Variants in CHD6 observed in about 807,000 individuals in gnomAD.
CHD6 encodes the protein chromodomain helicase DNA binding protein 6.
CHD6 carries 50 observed loss-of-function variants against 276.9 expected under a neutral mutation model. The observed-to-expected ratio is 0.18, with a 90% CI of 0.14 to 0.23. CHD6 has a LOEUF of 0.23. Among genes scored for constraint, CHD6 ranks in the 10% least tolerant of loss-of-function variants. CHD6 has a pLI of 1.00. For synonymous variants in CHD6, 1,173 were observed against 1,229.3 expected (o/e 0.95, Z 0.96); for missense variants, 2,564 against 3,365.8 (o/e 0.76, Z 5.89).
chr20:41,593,373 C>T (rs1327404963), intron 1 of CHD6, among the ~76,000 whole-genome samples: 1 of 152,142 alleles, frequency 6.6e-6, no homozygotes, highest in African/African-American at 2.4e-5. Context: ...TGAGAACACA[C>T]AAGGAGTTAA....
In CHD6 at chr20:41,402,289, TAC is replaced by T; in HGVS notation, c.*2302_*2303del. The T allele has an allele frequency of 4.4e-6, 1 of 224,946 alleles. No homozygotes were observed. Among genetic ancestry groups the T allele is most frequent in the East Asian group, 6.4e-5 (1 of 15,540 alleles). The allele number at this position is 224,946 out of a possible 1,614,324, so 13.9% of individuals were successfully genotyped here. On this transcript the variant is annotated 3_prime_UTR_variant, in exon 37 of 37. Transcript: ENST00000373233. The stretch of plus-strand genomic sequence containing the variant: ...ATAATCATAAGAAGCACTTGTGCCT[TAC>T]AGAGCAAATAATCCACAGAGTGTCA...
intron 2 of CHD6, among the ~76,000 whole-genome samples, chr20:41,550,356 A>G (rs2045125988): frequency 6.6e-6 from 1 of 152,182 alleles, no homozygotes; most frequent in South Asian, 2.1e-4. Flanking sequence ...ACAGATATAA[A>G]TCCAGTTTGT....
chr20:41,596,750 A>ATGTAGGCTT, intron 1 of CHD6, among the ~76,000 whole-genome samples: 1 of 152,316 alleles, frequency 6.6e-6, no homozygotes, highest in East Asian at 1.9e-4. Context: ...ATGAGAAAAT[A>ATGTAGGCTT]TGTAGGCTTA....
intron 8 of CHD6, among the ~76,000 whole-genome samples, chr20:41,495,714 A>G (rs1296958916): frequency 6.6e-6 from 1 of 152,262 alleles, no homozygotes; most frequent in Admixed American, 6.5e-5. Flanking sequence ...CAATGTAAAC[A>G]TACGTTAAAA....
intron 3 of CHD6, among the ~76,000 whole-genome samples, chr20:41,523,258 C>T (rs745869894): frequency 1.3e-5 from 2 of 152,196 alleles, no homozygotes; most frequent in Admixed American, 1.3e-4. Flanking sequence ...AATACAAAGG[C>T]CTAATACTCC....
intron 17 of CHD6, among the ~76,000 whole-genome samples, chr20:41,461,490 C>T (rs2145719171): frequency 6.6e-6 from 1 of 152,280 alleles, no homozygotes; most frequent in African/African-American, 2.4e-5. Context: ...TAATGAGTCT[C>T]ATGAGATCTG....
At chr20:41,464,309 A>G (rs2042870107) in intron 17 of CHD6, among the ~76,000 whole-genome samples, 1 of 152,212 alleles carries the variant, frequency 6.6e-6, no homozygotes. Flanking sequence ...GAAGAAAATA[A>G]CTAAACTAAG....
Position 41,405,409 on chromosome 20 carries a change from C to T in CHD6, c.7332G>A (p.Arg2444=). 1 of 1,613,142 alleles carries T rather than the reference C, an allele frequency of 6.2e-7. No individual in the cohort carries two copies. Among genetic ancestry groups the T allele is most frequent in the African/African-American group, 1.3e-5 (1 of 75,046 alleles). ...CCTTCAGGAGTTCGCTCCGAGGCCG[C>T]CTCCCCCTCCTGCGGGGGCCCGTAT... is the stretch of plus-strand genomic sequence containing the variant. The part of the protein sequence containing the change: ...LRDTGPRRRG[R]RPRSELLKAP... The change falls in exon 37 of 37, where the codon AGG becomes AGA. Residue 2444 remains arginine (R), a synonymous_variant. Coordinates refer to ENST00000373233, the MANE Select transcript of CHD6 (RefSeq NM_032221.5).
Position 41,493,883 on chromosome 20 carries a change from T to G in CHD6, c.1154A>C (p.His385Pro). The G allele has an allele frequency of 6.2e-7, 1 of 1,613,880 alleles. No individual in the cohort carries two copies. Among genetic ancestry groups the G allele is most frequent in the Non-Finnish European group, 8.5e-7 (1 of 1,179,852 alleles). Residue 385 changes from histidine (H) to proline (P), a missense_variant, in exon 9 of 37, where the codon CAC (histidine) becomes CCC (proline). By Grantham distance (77) the His-to-Pro change is moderately conservative (BLOSUM62 -2). Transcript: ENST00000373233. ...CTCCCCTGTTTCTGCATCCTTGGTG[T>G]GGGCCACCTCCAAGATGCGATCAAC... is the stretch of plus-strand genomic sequence containing the variant. ...VEVDRILEVA[H>P]TKDAETGEEV...
intron 6 of CHD6, among the ~76,000 whole-genome samples, chr20:41,498,807 A>ATGTGTGTGTG (rs753690840): frequency 6.8e-5 from 8 of 117,650 alleles, no homozygotes; most frequent in East Asian, 2.3e-4. Flanking sequence ...GTATGTATGT[A>ATGTGTGTGTG]TGTATGTGTG....
chr20:41,488,256 T>C (rs1049305551), intron 13 of CHD6, among the ~76,000 whole-genome samples, 172 bp downstream of exon 13: 7 of 152,180 alleles, frequency 4.6e-5, no homozygotes, highest in Admixed American at 1.3e-4. Flanking sequence ...TTGACCCAGT[T>C]TGTAACCAAA....
chr20:41,489,360 C>G (rs1300224319), intron 12 of CHD6, among the ~76,000 whole-genome samples: 1 of 149,236 alleles, frequency 6.7e-6, no homozygotes, highest in Non-Finnish European at 1.5e-5. Context: ...TGATTTGAAA[C>G]CTATTTTCTC....
At position 41,585,060 on chromosome 20, in the gene CHD6, T is replaced by C. The variant is rs116984878; in HGVS notation, c.-24+33280A>G. Among the ~76,000 whole-genome samples, 107 of 152,202 alleles carry C rather than the reference T, an allele frequency of 7.0e-4. 3 individuals are homozygous for C. In the East Asian group the frequency reaches 0.018, roughly 25 times the overall value. The stretch of plus-strand genomic sequence containing the variant: ...AGTAAAAAAAGGAAAAAGACACAAT[T>C]TACCAGTATTAGGACTCAAAGAGGA... On this transcript the variant is annotated intron_variant, in intron 1 of 36. Coordinates refer to ENST00000373233, the MANE Select transcript of CHD6 (RefSeq NM_032221.5).
At chr20:41,463,535 T>A (rs2042850144) in intron 17 of CHD6, among the ~76,000 whole-genome samples, 1 of 152,352 alleles carries the variant, frequency 6.6e-6, no homozygotes, top group Middle Eastern at 3.4e-3. Context: ...TATATTGAGA[T>A]GGCTGTGTCA....
intron 27 of CHD6, among the ~76,000 whole-genome samples, chr20:41,435,505 G>A (rs1003498275): frequency 6.6e-6 from 1 of 151,776 alleles, no homozygotes; most frequent in Non-Finnish European, 1.5e-5. Flanking sequence ...TTGGGAGGCT[G>A]AGCTGGGAGC....
At chr20:41,497,945 TGGGTGG>T in intron 7 of CHD6, 2 of 524,124 alleles carry the variant, frequency 3.8e-6, no homozygotes, top group South Asian at 4.7e-5. Flanking sequence ...CCAATGGTCT[TGGGTGG>T]AGCAAAGGCT....
At position 41,483,254 on chromosome 20, in the gene CHD6, T is replaced by C. The variant is rs539492340; in HGVS notation, c.2468+55A>G. On this transcript the variant is annotated intron_variant, in intron 16 of 36. Coordinates refer to ENST00000373233, the MANE Select transcript of CHD6 (RefSeq NM_032221.5). ...AATTTTTGAATGGATCAAAAAAATA[T>C]CAAAGGAAAGGAACTGTCCCATTGT... The C allele has an allele frequency of 1.1e-5, 16 of 1,444,326 alleles. No individual in the cohort carries two copies. The African/African-American group carries it at 2.1e-4, about 19-fold the overall frequency. The allele number at this position is 1,444,326 out of a possible 1,614,324, so 89.5% of individuals were successfully genotyped here. A position where few individuals can be genotyped will look rare whatever the true frequency, so the allele number is the denominator to read the frequency against.
chr20:41,534,494 T>C (rs2044776020), intron 2 of CHD6, among the ~76,000 whole-genome samples: 1 of 151,676 alleles, frequency 6.6e-6, no homozygotes, highest in Non-Finnish European at 1.5e-5. Context: ...CTTCTGTTTT[T>C]CCAGTTTCTT....
intron 10 of CHD6, among the ~76,000 whole-genome samples, chr20:41,492,220 C>G (rs138736022): frequency 7.1e-4 from 108 of 152,278 alleles, no homozygotes; most frequent in African/African-American, 2.5e-3. Flanking sequence ...CAAGAATCAA[C>G]CTACAGCAAA....
Sources: gnomAD v4.1 joint callset for allele counts (sites outside exome capture counted in the v4.1 genomes callset) on GRCh38, gnomAD v4.1.1 for gene constraint, MANE v1.5 for transcripts, NCBI Gene and HGNC (gene_info 2026-07-23, HGNC 2026-07-21) for gene names.